MXD4: variants seen among roughly 807,000 people sequenced by gnomAD.
MXD4 encodes MAX dimerization protein 4.
Under a neutral mutation model 24.5 loss-of-function variants are expected in MXD4, and 16 were observed. That is an observed-to-expected ratio of 0.65 (90% CI 0.44 to 0.99). The LOEUF (loss-of-function observed/expected upper bound fraction) is 0.99. Ranked by LOEUF, MXD4 falls within the 50% of genes least tolerant of loss-of-function variation. MXD4 has a pLI of 0.00. For synonymous variants in MXD4, 164 were observed against 134.2 expected (o/e 1.22, Z -1.54); for missense variants, 301 against 301.5 (o/e 1.00, Z 0.01).
At position 2,250,576 on chromosome 4, in the gene MXD4, A is replaced by G; in HGVS notation, c.598T>C (p.Cys200Arg). Residue 200 changes from cysteine (C) to arginine (R), a missense_variant, in exon 6 of 6, where the codon TGC becomes CGC. By Grantham distance (180) the Cys-to-Arg change is radical (BLOSUM62 -3). Transcript: ENST00000337190. ...AGGGCGGGGCGGCCCAGCCGCCGGC[A>G]GTGGGGCCCGAAGCCACTGTCGCCG... is the stretch of plus-strand genomic sequence containing the variant. ...TGGDSGFGPH[C>R]RRLGRPALS The G allele has an allele frequency of 6.2e-7, 1 of 1,606,686 alleles. No individual in the cohort carries two copies. The highest frequency in any genetic ancestry group is 8.5e-7 in the Non-Finnish European group (1 of 1,177,260).
rs529233772 is a variant in MXD4 at position 2,251,156 on chromosome 4, A to G, written c.400T>C (p.Ser134Pro). Reference protein sequence around the residue: ...RFLKRRLEQLSVQSVERVRTD... With the variant: ...RFLKRRLEQLPVQSVERVRTD... ...CGCACGCGCTCCACGCTCTGCACCGACAGCTGCTCCAGGCGCCGCTTCAGG... is the reference window on the plus strand; with the variant it reads ...CGCACGCGCTCCACGCTCTGCACCGGCAGCTGCTCCAGGCGCCGCTTCAGG... The change falls in exon 5 of 6, where the codon TCG becomes CCG. Residue 134 changes from serine to proline, a missense_variant. By Grantham distance (74) the Ser-to-Pro change is moderately conservative. Coordinates refer to ENST00000337190, the MANE Select transcript of MXD4 (RefSeq NM_006454.3). 1.2e-6 allele frequency: 2 copies of G among 1,601,054 alleles called. No individual in the cohort carries two copies. The highest frequency in any genetic ancestry group is 2.3e-5 in the East Asian group (1 of 44,240).
chr4:2,257,411 C>G (rs1735453039), intron 3 of MXD4, among the ~76,000 whole-genome samples: 1 of 152,182 alleles, frequency 6.6e-6, no homozygotes, highest in South Asian at 2.1e-4. Flanking sequence ...AGCCCCTAGG[C>G]CCCTGAGCTC....
chr4:2,255,422 C>G, intron 3 of MXD4: 2 of 456,096 alleles, frequency 4.4e-6, no homozygotes, highest in South Asian at 3.1e-5. Flanking sequence ...AACAGGTCCA[C>G]CTGGCCCAAG....
At chr4:2,252,052 T>C (rs1380541544) in intron 4 of MXD4, among the ~76,000 whole-genome samples, 2 of 151,354 alleles carry the variant, frequency 1.3e-5, no homozygotes, top group East Asian at 3.9e-4. Context: ...CCTGGCCCCC[T>C]CTCTCCTTCC....
At position 2,252,529 on chromosome 4, in the gene MXD4, G is replaced by A. The variant is rs199969427; in HGVS notation, c.195-7C>T. The A allele has an allele frequency of 1.7e-5, 27 of 1,606,962 alleles. No individual in the cohort carries two copies. In the East Asian group the frequency reaches 4.9e-4, roughly 29 times the overall value. Reference sequence around the variant, plus strand: ...CAGCCTGAGTTTGGCTCGTCTGAAAGAGCCAGAGACAGAACCATCAGGCTG... The same window carrying A: ...CAGCCTGAGTTTGGCTCGTCTGAAAAAGCCAGAGACAGAACCATCAGGCTG... On this transcript the variant is annotated splice_polypyrimidine_tract_variant and splice_region_variant and intron_variant, in intron 3 of 5. Transcript: ENST00000337190.
intron 3 of MXD4, among the ~76,000 whole-genome samples, chr4:2,256,477 A>G (rs190166011): frequency 6.6e-6 from 1 of 152,288 alleles, no homozygotes; most frequent in Non-Finnish European, 1.5e-5. Context: ...TTCTCAAGAC[A>G]GCACGCAGCC....
intron 3 of MXD4, among the ~76,000 whole-genome samples, chr4:2,255,697 G>C (rs1735411628): frequency 6.6e-6 from 1 of 152,320 alleles, no homozygotes; most frequent in East Asian, 1.9e-4. Context: ...TCCACTTCCT[G>C]AAGGAACCCT....
rs1286370186 is a variant in MXD4, at chr4:2,251,190, C to G, written c.366G>C (p.Glu122Asp). The change falls in exon 5 of 6, where the codon GAG becomes GAC. Residue 122 changes from glutamate (E) to aspartate (D), a missense_variant. Transcript: ENST00000337190. ...ALSIKEQLQQ[E>D]HRFLKRRLEQ... is the part of the protein sequence containing the mutation. The stretch of plus-strand genomic sequence containing the variant: ...CCAGGCGCCGCTTCAGGAAACGATG[C>G]TCCTGCTGCAGCTGCTCCTTGATGC... The G allele has an allele frequency of 6.2e-7, 1 of 1,607,328 alleles. No individual in the cohort carries two copies. Among genetic ancestry groups the G allele is most frequent in the East Asian group, 2.2e-5 (1 of 44,638 alleles).
chr4:2,261,572 C>G (rs1273663059), intron 2 of MXD4, among the ~76,000 whole-genome samples, 153 bp downstream of exon 2: 1 of 145,674 alleles, frequency 6.9e-6, no homozygotes, highest in Non-Finnish European at 1.5e-5. Context: ...GCTGCGGCCG[C>G]GGCCTGCGCG....
intron 2 of MXD4, among the ~76,000 whole-genome samples, chr4:2,259,587 C>T (rs1434627501): frequency 6.6e-6 from 1 of 152,158 alleles, no homozygotes; most frequent in Non-Finnish European, 1.5e-5. Flanking sequence ...AACATAAAAG[C>T]CTACCTGCCT....
At chr4:2,255,012 C>A in intron 3 of MXD4, 1 of 316,324 alleles carries the variant, frequency 3.2e-6, no homozygotes, top group Non-Finnish European at 6.2e-6. Context: ...CTCACCAAGG[C>A]ACATCGCAGG....
intron 3 of MXD4, 96 bp downstream of exon 3, chr4:2,257,886 G>T: frequency 2.0e-6 from 3 of 1,510,480 alleles, no homozygotes; most frequent in Non-Finnish European, 2.7e-6. Flanking sequence ...ACGGCTGGCC[G>T]TGCCCGGGAC....
intron 3 of MXD4, among the ~76,000 whole-genome samples, chr4:2,257,284 G>A (rs1013882852): frequency 6.6e-6 from 1 of 152,184 alleles, no homozygotes; most frequent in African/African-American, 2.4e-5. Flanking sequence ...TCACAGACAG[G>A]ATCACAAGTC....
chr4:2,260,870 T>G (rs995643814), intron 2 of MXD4, among the ~76,000 whole-genome samples: 2 of 152,092 alleles, frequency 1.3e-5, no homozygotes, highest in Non-Finnish European at 1.5e-5. Flanking sequence ...GGACCAGGTG[T>G]GCTATGGTCC....
At chr4:2,259,335 G>A (rs953746827) in intron 2 of MXD4, among the ~76,000 whole-genome samples, 1 of 151,914 alleles carries the variant, frequency 6.6e-6, no homozygotes, top group Non-Finnish European at 1.5e-5. Flanking sequence ...TTGGTCACAT[G>A]GGCTGGACAA....
At chr4:2,257,801 CAG>C (rs1321221327) in intron 3 of MXD4, among the ~76,000 whole-genome samples, 179 bp downstream of exon 3, 16 of 152,268 alleles carry the variant, frequency 1.1e-4, no homozygotes, top group African/African-American at 3.6e-4. Flanking sequence ...GCCTCTAGCA[CAG>C]AGTGCCTGAA....
At chr4:2,254,719 G>C (rs556658722) in intron 3 of MXD4, 1 of 154,262 alleles carries the variant, frequency 6.5e-6, no homozygotes, top group Non-Finnish European at 1.4e-5. Flanking sequence ...TGCAGGACAC[G>C]AGGGCCAACC....
rs1735225572 is a variant in MXD4 at position 2,247,761 on chromosome 4, G to A, written c.*2783C>T. 6.6e-6 allele frequency: 1 copy of A among 152,456 alleles called. No homozygotes were observed. The highest frequency in any genetic ancestry group is 2.4e-5 in the African/African-American group (1 of 41,456). 9.4% of individuals were successfully genotyped at this position (152,456 alleles called of 1,614,324 possible). On this transcript the variant is annotated 3_prime_UTR_variant, in exon 6 of 6. Coordinates refer to ENST00000337190, the MANE Select transcript of MXD4 (RefSeq NM_006454.3). The stretch of plus-strand genomic sequence containing the variant: ...GGGGCAGACAGAGCAGGGACCCTAG[G>A]GCCACAGACCGGTACAGGGTTCCAC...
At chr4:2,260,927 G>T (rs1260108150) in intron 2 of MXD4, among the ~76,000 whole-genome samples, 1 of 152,130 alleles carries the variant, frequency 6.6e-6, no homozygotes, top group Non-Finnish European at 1.5e-5. Context: ...CCCGGCCCAG[G>T]GTCCCCACTC....
Sources: allele counts gnomAD v4.1 joint callset (sites outside exome capture counted in the v4.1 genomes callset), GRCh38; gene constraint gnomAD v4.1.1; transcripts MANE v1.5; gene names NCBI Gene and HGNC (gene_info 2026-07-23, HGNC 2026-07-21).